Variants in ADAMTS19 observed in about 807,000 individuals in gnomAD.
ADAMTS19 encodes the protein ADAM metallopeptidase with thrombospondin type 1 motif 19, also known as A disintegrin and metalloproteinase with thrombospondin motifs 19.
ADAMTS19 carries 93 observed loss-of-function variants against 153.3 expected under a neutral mutation model. The observed-to-expected ratio is 0.61, with a 90% CI of 0.51 to 0.72. The LOEUF (loss-of-function observed/expected upper bound fraction) is 0.72, where lower values mean the gene tolerates loss of function less well. Among genes scored for constraint, ADAMTS19 ranks in the 30% least tolerant of loss-of-function variants. The probability of loss-of-function intolerance (pLI) is 0.00; values close to 1 mark genes in which losing one functional copy is unlikely to be tolerated. For missense variants in ADAMTS19, 1,482 were observed against 1,552.1 expected (o/e 0.95, Z 0.76); for synonymous variants, 600 against 556.6 (o/e 1.08, Z -1.10).
At chr5:129,570,633 A>T (rs555708834) in intron 7 of ADAMTS19, among the ~76,000 whole-genome samples, 338 of 59,770 alleles carry the variant, frequency 5.7e-3, no homozygotes, top group African/African-American at 0.01. Context: ...GAAAAAAATT[A>T]AAAGAAAAAA....
intron 21 of ADAMTS19, among the ~76,000 whole-genome samples, chr5:129,728,366 T>C (rs983672336): frequency 3.3e-5 from 5 of 152,182 alleles, no homozygotes; most frequent in Non-Finnish European, 7.4e-5. Context: ...CTTTATCTTC[T>C]TTTTTTAAAT....
At chr5:129,497,999 T>G (rs1314790348) in intron 2 of ADAMTS19, among the ~76,000 whole-genome samples, 1 of 152,076 alleles carries the variant, frequency 6.6e-6, no homozygotes, top group Admixed American at 6.6e-5. Context: ...AAATAAAATC[T>G]AAATGGCTTA....
At chr5:129,596,127 T>C (rs1237724581) in intron 7 of ADAMTS19, among the ~76,000 whole-genome samples, 1 of 152,060 alleles carries the variant, frequency 6.6e-6, no homozygotes. Flanking sequence ...TAAATGTAAG[T>C]TCAAGACTGC....
intron 2 of ADAMTS19, among the ~76,000 whole-genome samples, chr5:129,481,555 G>T (rs368975963): frequency 1.3e-5 from 2 of 152,060 alleles, no homozygotes; most frequent in East Asian, 1.9e-4. Context: ...GGAGGTACAG[G>T]TATAGTCTGA....
chr5:129,641,799 G>A, intron 10 of ADAMTS19, 60 bp from the exon 11 acceptor site: 1 of 1,043,276 alleles, frequency 9.6e-7, no homozygotes, highest in Non-Finnish European at 1.4e-6. Flanking sequence ...AACAATGATT[G>A]GCTTCACTTA....
chr5:129,704,415 C>T (rs753526141), intron 21 of ADAMTS19, 24 bp downstream of exon 21: 1 of 1,605,690 alleles, frequency 6.2e-7, no homozygotes, highest in Admixed American at 1.7e-5. Context: ...TGTATATTCT[C>T]AGTAATAGGT....
In ADAMTS19 at chr5:129,522,332, CATATAT is replaced by C. The variant is rs1209637522; in HGVS notation, c.914-3923_914-3918del. ...ATATATATATACACACACACACACA[CATATAT>C]ATATATATATATATATATATATATA... On this transcript the variant is annotated intron_variant, in intron 3 of 22. Transcript: ENST00000274487. 1.1e-3 allele frequency among the ~76,000 whole-genome samples: 66 copies of C among 58,618 alleles called. 1 individual carries two copies. Among genetic ancestry groups the C allele is most frequent in the South Asian group, 2.1e-3 (3 of 1,456 alleles). 38.5% of individuals were successfully genotyped at this position (58,618 alleles called of 152,430 possible). A position where few individuals can be genotyped will look rare whatever the true frequency, so the allele number is the denominator to read the frequency against.
intron 3 of ADAMTS19, among the ~76,000 whole-genome samples, chr5:129,511,919 G>C (rs762150971): frequency 2.6e-5 from 4 of 151,942 alleles, no homozygotes; most frequent in Non-Finnish European, 4.4e-5. Flanking sequence ...AGTGCATGCT[G>C]TTACATGTTA....
chr5:129,713,821 G>T (rs2127185398), intron 21 of ADAMTS19, among the ~76,000 whole-genome samples: 1 of 151,686 alleles, frequency 6.6e-6, no homozygotes, highest in South Asian at 2.1e-4. Context: ...CCCTGAGCTG[G>T]GGGTTCTGGC....
At chr5:129,518,838 G>T (rs1489186316) in intron 3 of ADAMTS19, among the ~76,000 whole-genome samples, 1 of 151,650 alleles carries the variant, frequency 6.6e-6, no homozygotes, top group Non-Finnish European at 1.5e-5. Context: ...CCCTTTTGAG[G>T]CAATTTTCTA....
chr5:129,503,116 C>T (rs10058781), intron 2 of ADAMTS19, among the ~76,000 whole-genome samples: 17,384 of 152,140 alleles, frequency 0.11, 1,941 homozygotes, highest in African/African-American at 0.3. Flanking sequence ...ATAGTAAAAG[C>T]TTGTCTGTTA....
intron 18 of ADAMTS19, among the ~76,000 whole-genome samples, chr5:129,694,390 A>G (rs1581234162): frequency 6.6e-6 from 1 of 152,126 alleles, no homozygotes; most frequent in African/African-American, 2.4e-5. Flanking sequence ...TGTTCAATAA[A>G]TCAATTGAGT....
chr5:129,501,135 T>C (rs565836154), intron 2 of ADAMTS19, among the ~76,000 whole-genome samples: 15 of 152,168 alleles, frequency 9.9e-5, no homozygotes, highest in Non-Finnish European at 2.1e-4. Flanking sequence ...CATATTTTTA[T>C]GTTCCACTAC....
intron 2 of ADAMTS19, among the ~76,000 whole-genome samples, chr5:129,486,448 G>A (rs1030489691): frequency 1.3e-5 from 2 of 152,098 alleles, no homozygotes; most frequent in African/African-American, 4.8e-5. Flanking sequence ...ACATCTGACA[G>A]TGTCATTCAC....
At chr5:129,531,376 G>A (rs1220545721) in intron 6 of ADAMTS19, among the ~76,000 whole-genome samples, 3 of 152,120 alleles carry the variant, frequency 2.0e-5, no homozygotes, top group Admixed American at 2.0e-4. Flanking sequence ...TGTAATCCCA[G>A]CACTTTGGGT....
intron 7 of ADAMTS19, 58 bp from the exon 8 acceptor site, chr5:129,596,501 A>G: frequency 1.8e-6 from 2 of 1,118,678 alleles, no homozygotes; most frequent in South Asian, 2.9e-5. Context: ...GCTAATAACT[A>G]GTATAAATAT....
intron 3 of ADAMTS19, among the ~76,000 whole-genome samples, chr5:129,509,613 G>A (rs1751368666): frequency 6.6e-6 from 1 of 151,940 alleles, no homozygotes; most frequent in South Asian, 2.1e-4. Context: ...CCACCTCTGT[G>A]AAAGCATCAT....
intron 6 of ADAMTS19, among the ~76,000 whole-genome samples, chr5:129,533,602 T>C (rs1334230788): frequency 6.6e-6 from 1 of 152,218 alleles, no homozygotes; most frequent in Non-Finnish European, 1.5e-5. Context: ...CCTTCAGTTC[T>C]GCTCTGATCT....
At chr5:129,732,044 A>C (rs1413867458) in intron 21 of ADAMTS19, among the ~76,000 whole-genome samples, 1 of 152,188 alleles carries the variant, frequency 6.6e-6, no homozygotes. Context: ...TGTGTCAAAA[A>C]ACAAATTTAG....
Sources: allele counts gnomAD v4.1 joint callset (sites outside exome capture counted in the v4.1 genomes callset), GRCh38; gene constraint gnomAD v4.1.1; transcripts MANE v1.5; gene names NCBI Gene and HGNC (gene_info 2026-07-23, HGNC 2026-07-21).